The following RASGEF1C variants were observed in gnomAD, a reference collection of about 807,000 sequenced individuals.
The protein encoded by RASGEF1C is RasGEF domain family member 1C.
Under a neutral mutation model 58.1 loss-of-function variants are expected in RASGEF1C, and 27 were observed. The observed-to-expected ratio is 0.46, with a 90% CI of 0.34 to 0.64. The LOEUF is 0.64. Ranked by LOEUF, RASGEF1C falls within the 30% of genes least tolerant of loss-of-function variation. The pLI, the probability that RASGEF1C is intolerant of heterozygous loss-of-function variation, is 0.01. For synonymous variants in RASGEF1C, 243 were observed against 246.3 expected, an observed-to-expected ratio of 0.99 and a Z score of 0.13; for missense variants, 502 against 605.1, an observed-to-expected ratio of 0.83 and a Z score of 1.79.
intron 12 of RASGEF1C, among the ~76,000 whole-genome samples, chr5:180,103,146 C>G (rs565663643): frequency 5.3e-5 from 8 of 152,174 alleles, no homozygotes; most frequent in Admixed American, 2.0e-4. Context: ...GGCGCGATCT[C>G]GGCTCACTGC....
intron 1 of RASGEF1C, among the ~76,000 whole-genome samples, chr5:180,194,030 T>C (rs1228961746): frequency 1.3e-5 from 2 of 151,280 alleles, no homozygotes; most frequent in African/African-American, 2.4e-5. Context: ...GTTTTCTGTA[T>C]GAAAAGGTTG....
intron 1 of RASGEF1C, among the ~76,000 whole-genome samples, chr5:180,200,485 TG>T (rs1343144152): frequency 4.0e-5 from 6 of 151,350 alleles, no homozygotes; most frequent in African/African-American, 1.5e-4. Flanking sequence ...AATTTTTTTT[TG>T]GTATTTTTAG....
intron 1 of RASGEF1C, among the ~76,000 whole-genome samples, chr5:180,196,590 G>A (rs1756283452): frequency 6.6e-6 from 1 of 151,926 alleles, no homozygotes; most frequent in Non-Finnish European, 1.5e-5. Context: ...TACGTCTTTT[G>A]GGGTGTTTGT....
At position 180,177,480 on chromosome 5, in the gene RASGEF1C, C is replaced by T. The variant is rs533765592; in HGVS notation, c.-7+31548G>A. ...CAGGGCAGAGCCCCGGGCTTCCTTC[C>T]GGGACCCCTGCCAAGGCTCAGCCCT... On this transcript the variant is annotated intron_variant, in intron 1 of 13. Transcript: ENST00000361132. This position sits in a 1 kb window ranked among gnomAD's most constrained non-coding sequence, Gnocchi z 5.0. Among the ~76,000 whole-genome samples, 122 of 152,368 alleles carry T rather than the reference C, an allele frequency of 8.0e-4. No homozygotes were observed. The highest frequency in any genetic ancestry group is 3.4e-3 in the Middle Eastern group (1 of 294).
chr5:180,190,506 A>AAAT (rs370402852), intron 1 of RASGEF1C, among the ~76,000 whole-genome samples: 11 of 97,552 alleles, frequency 1.1e-4, no homozygotes, highest in African/African-American at 2.2e-4. Flanking sequence ...AAAAAAAAAA[A>AAAT]AATAATAATA....
At chr5:180,114,170 C>T (rs940359492) in intron 11 of RASGEF1C, among the ~76,000 whole-genome samples, 6 of 152,218 alleles carry the variant, frequency 3.9e-5, no homozygotes, top group Non-Finnish European at 7.4e-5. Context: ...CTGCCTTTCT[C>T]GCCAGCCTGG....
At position 180,158,683 on chromosome 5, in the gene RASGEF1C, T is replaced by C. The variant is rs190433636; in HGVS notation, c.-6-20625A>G. 2.8e-4 allele frequency among the ~76,000 whole-genome samples: 42 copies of C among 152,326 alleles called. No individual in the cohort carries two copies. Among genetic ancestry groups the C allele is most frequent in the Admixed American group, 9.8e-4 (15 of 15,296 alleles). On this transcript the variant is annotated intron_variant, in intron 1 of 13. Coordinates refer to ENST00000361132, the MANE Select transcript of RASGEF1C (RefSeq NM_175062.4). This position sits in a 1 kb window ranked among gnomAD's most constrained non-coding sequence, Gnocchi z 4.0. ...TCAGTCCCAGGTAAACAAAGCCAGT[T>C]GGTCACCCTAGTCCCAAGTCTTTTG...
At chr5:180,120,986 T>C (rs1398132848) in intron 7 of RASGEF1C, 74 bp downstream of exon 7, 2 of 1,034,200 alleles carry the variant, frequency 1.9e-6, no homozygotes, top group East Asian at 4.8e-5. Context: ...TCCGGTTCCT[T>C]CCCCCGTGGG....
In RASGEF1C at chr5:180,117,101, G is replaced by A. The variant is rs114198336; in HGVS notation, c.1083+1508C>T. On this transcript the variant is annotated intron_variant, in intron 10 of 13. Coordinates refer to ENST00000361132, the MANE Select transcript of RASGEF1C (RefSeq NM_175062.4). ...TCCTACCCCTGCTGTCTGGCTTCCC[G>A]GGCTCCGGCTCCTGGCAGGCCGCCA... is the stretch of plus-strand genomic sequence containing the variant. 5.4e-3 allele frequency among the ~76,000 whole-genome samples: 820 copies of A among 152,204 alleles called. 10 individuals carry two copies. Among genetic ancestry groups the A allele is most frequent in the African/African-American group, 0.019 (784 of 41,552 alleles).
intron 10 of RASGEF1C, among the ~76,000 whole-genome samples, chr5:180,117,113 CT>C (rs1288590534): frequency 6.6e-6 from 1 of 152,254 alleles, no homozygotes; most frequent in Admixed American, 6.5e-5. Flanking sequence ...GCTCCGGCTC[CT>C]GGCAGGCCGC....
intron 1 of RASGEF1C, among the ~76,000 whole-genome samples, chr5:180,179,592 A>AGCTGCCAGGGTGAGGAG (rs1264443659): frequency 9.2e-5 from 14 of 152,218 alleles, no homozygotes; most frequent in Admixed American, 5.9e-4. Flanking sequence ...TCAATACAGC[A>AGCTGCCAGGGTGAGGAG]GCTGCCAGGG....
At chr5:180,117,975 CAGAG>C (rs1202749585) in intron 10 of RASGEF1C, among the ~76,000 whole-genome samples, 1 of 127,152 alleles carries the variant, frequency 7.9e-6, no homozygotes, top group Non-Finnish European at 1.6e-5. Context: ...GCCTGGGCGA[CAGAG>C]AGAGACTCCA....
At chr5:180,195,476 A>G (rs771998303) in intron 1 of RASGEF1C, among the ~76,000 whole-genome samples, 1 of 152,154 alleles carries the variant, frequency 6.6e-6, no homozygotes, top group Admixed American at 6.5e-5. Context: ...CAAAAAGCAC[A>G]AGGGCCGGGC....
intron 4 of RASGEF1C, among the ~76,000 whole-genome samples, chr5:180,131,157 A>G (rs1336003664): frequency 6.6e-6 from 1 of 152,138 alleles, no homozygotes; most frequent in Non-Finnish European, 1.5e-5. Context: ...CTGCAGCCAC[A>G]GAGGTCTGTT....
intron 1 of RASGEF1C, among the ~76,000 whole-genome samples, chr5:180,180,601 G>A (rs1340561154): frequency 6.6e-6 from 1 of 152,228 alleles, no homozygotes; most frequent in East Asian, 1.9e-4. Flanking sequence ...GCCCCAGACT[G>A]GCCATCGGTG....
intron 1 of RASGEF1C, among the ~76,000 whole-genome samples, chr5:180,163,005 GC>G (rs1473870992): frequency 6.6e-6 from 1 of 152,150 alleles, no homozygotes; most frequent in African/African-American, 2.4e-5. Context: ...ATAGCAAACA[GC>G]ATTGTATTTT....
intron 1 of RASGEF1C, among the ~76,000 whole-genome samples, chr5:180,199,619 G>C (rs1417843252): frequency 6.6e-6 from 1 of 152,152 alleles, no homozygotes; most frequent in African/African-American, 2.4e-5. Context: ...AGTGGTGTCA[G>C]CTTATTCAAA....
At chr5:180,187,392 G>GA (rs947502775) in intron 1 of RASGEF1C, among the ~76,000 whole-genome samples, 4 of 152,050 alleles carry the variant, frequency 2.6e-5, no homozygotes, top group Non-Finnish European at 4.4e-5. Context: ...AGAAACAAAA[G>GA]AAAAAACAGA....
In RASGEF1C at chr5:180,118,387, T is replaced by G. The variant is rs1438503561; in HGVS notation, c.1083+222A>C. 2.6e-5 allele frequency among the ~76,000 whole-genome samples: 4 copies of G among 152,192 alleles called. No individual in the cohort carries two copies. The East Asian group carries it at 7.8e-4, about 30-fold the overall frequency. The stretch of plus-strand genomic sequence containing the variant: ...AAGGATGACCCCAGGCAGCCCGGCT[T>G]CAGGCCCTCATGAAGCACTTCCTGT... On this transcript the variant is annotated intron_variant, in intron 10 of 13. Coordinates refer to ENST00000361132, the MANE Select transcript of RASGEF1C (RefSeq NM_175062.4).
Sources: allele counts gnomAD v4.1 joint callset (sites outside exome capture counted in the v4.1 genomes callset), GRCh38; gene constraint gnomAD v4.1.1; non-coding constraint Gnocchi (gnomAD v3.1); transcripts MANE v1.5; gene names NCBI Gene and HGNC (gene_info 2026-07-23, HGNC 2026-07-21).